ZNF669: variants seen among roughly 807,000 people sequenced by gnomAD.
ZNF669 encodes zinc finger protein 669.
In ZNF669, 7 loss-of-function variants were observed where a neutral mutation model predicts 11.4. The observed-to-expected ratio is 0.62, with a 90% confidence interval of 0.35 to 1.16. The LOEUF is 1.16. Ranked by LOEUF, ZNF669 falls within the 50% of genes most tolerant of loss-of-function variation. The pLI is 0.02. For synonymous variants in ZNF669, 153 were observed against 155.8 expected (o/e 0.98, Z 0.13); for missense variants, 492 against 463.6 (o/e 1.06, Z -0.56).
In ZNF669 at chr1:247,100,571, T is replaced by G. The variant is rs182355410; in HGVS notation, c.940A>C (p.Ser314Arg). The change falls in exon 4 of 4, where the codon AGT becomes CGT. Residue 314 changes from serine to arginine, a missense_variant. Coordinates refer to ENST00000448299, the MANE Select transcript of ZNF669 (RefSeq NM_001142572.2). ...TGGAGGTGAAGGGAACTGAGGCGAC[T>G]GAAGGCTTGATCACATTGTTTACAT... ...YECKQCDQAFSRLSSLHLHER... is the reference protein window; with the variant it reads ...YECKQCDQAFRRLSSLHLHER... The G allele has an allele frequency of 1.2e-6, 2 of 1,614,236 alleles. No individual in the cohort carries two copies. The highest frequency in any genetic ancestry group is 1.7e-6 in the Non-Finnish European group (2 of 1,180,030).
intron 1 of ZNF669, chr1:247,103,808 G>C: frequency 8.0e-7 from 1 of 1,246,980 alleles, no homozygotes; most frequent in South Asian, 1.6e-5. Context: ...CAAAGCCTCG[G>C]CTTAATTTTA....
chr1:247,101,282 CTTCTT>C lies in ZNF669; in HGVS notation c.224_228del (p.Lys75ArgfsTer15), dbSNP rs761695558. 13 of 1,605,196 alleles carry C rather than the reference CTTCTT, an allele frequency of 8.1e-6. No homozygotes were observed. Among genetic ancestry groups the C allele is most frequent in the African/African-American group, 1.3e-5 (1 of 74,686 alleles). ...CTGACAACTTCTCCATACTGACCAT[CTTCTT>C]TACTTTCACACAGTCTCTGTACGAT... On this transcript the variant is annotated frameshift_variant, in exon 4 of 4. Coordinates refer to ENST00000448299, the MANE Select transcript of ZNF669 (RefSeq NM_001142572.2). LOFTEE classifies it low-confidence loss of function (END_TRUNC).
Position 247,100,854 on chromosome 1 carries a change from G to A in ZNF669, c.657C>T (p.Pro219=), listed in dbSNP as rs753220392. 6 of 1,613,974 alleles carry A rather than the reference G, an allele frequency of 3.7e-6. No individual in the cohort carries two copies. The highest frequency in any genetic ancestry group is 2.2e-5 in the South Asian group (2 of 91,082). The change falls in exon 4 of 4, where the codon CCC becomes CCT. Residue 219 remains proline, a synonymous_variant. Coordinates refer to ENST00000448299, the MANE Select transcript of ZNF669 (RefSeq NM_001142572.2). ...IHERTHTGEK[P]YECKECGKTF... is the part of the protein sequence containing the mutation. Reference sequence around the variant, plus strand: ...TTTTCCCACATTCCTTACATTCGTAGGGTTTCTCTCCAGTGTGAGTTCGTT... The same window carrying A: ...TTTTCCCACATTCCTTACATTCGTAAGGTTTCTCTCCAGTGTGAGTTCGTT...
intron 1 of ZNF669, among the ~76,000 whole-genome samples, chr1:247,102,398 G>A (rs953344021): frequency 3.3e-5 from 5 of 152,148 alleles, no homozygotes; most frequent in African/African-American, 4.8e-5. Context: ...ATTTCACTTC[G>A]TACATTTCTA....
Position 247,100,913 on chromosome 1 carries a change from C to T in ZNF669, c.598G>A (p.Ala200Thr). The T allele has an allele frequency of 1.2e-6, 2 of 1,614,074 alleles. No individual in the cohort carries two copies. The highest frequency in any genetic ancestry group is 2.2e-5 in the South Asian group (2 of 91,078). The change falls in exon 4 of 4, where the codon GCA becomes ACA. Residue 200 changes from alanine to threonine, a missense_variant. Physicochemically the swap from Ala to Thr is moderately conservative, Grantham distance 58. Transcript: ENST00000448299. ...KPYKCKQCGK[A>T]FTVSGSCLIH... Reference sequence around the variant, plus strand: ...AGACAAGAACCGGAAACAGTGAATGCTTTACCACATTGTTTACATTTATAG... The same window carrying T: ...AGACAAGAACCGGAAACAGTGAATGTTTTACCACATTGTTTACATTTATAG...
intron 3 of ZNF669, 32 bp downstream of exon 3, chr1:247,101,699 G>A: frequency 6.3e-7 from 1 of 1,580,196 alleles, no homozygotes; most frequent in African/African-American, 1.4e-5. Context: ...TTCCTTCAGA[G>A]GACTTTATTT....
At chr1:247,102,300 G>A (rs965781862) in intron 1 of ZNF669, among the ~76,000 whole-genome samples, 187 bp from the exon 2 acceptor site, 3 of 152,178 alleles carry the variant, frequency 2.0e-5, no homozygotes, top group African/African-American at 4.8e-5. Context: ...TGCTAGAATT[G>A]AACTATTCAA....
At position 247,100,406 on chromosome 1, in the gene ZNF669, T is replaced by G. The variant is rs775043266; in HGVS notation, c.1105A>C (p.Thr369Pro). The change falls in exon 4 of 4, where the codon ACT (threonine) becomes CCT (proline). Residue 369 changes from threonine (T) to proline (P), a missense_variant. Physicochemically the swap from Thr to Pro is conservative, Grantham distance 38. Transcript: ENST00000448299. ...ATCCACACGCCTTGGCCTCCCAAAG[T>G]GCTGGGATTATAGGCTGAGTCACTA... is the stretch of plus-strand genomic sequence containing the variant. ...GCSDSAYNPS[T>P]LGGQGVWIA 1.2e-5 allele frequency: 20 copies of G among 1,611,942 alleles called. No individual in the cohort carries two copies. The highest frequency in any genetic ancestry group is 3.4e-4 in the Middle Eastern group (2 of 5,968).
intron 1 of ZNF669, chr1:247,103,891 A>T: frequency 6.5e-7 from 1 of 1,530,924 alleles, no homozygotes; most frequent in Non-Finnish European, 8.8e-7. Context: ...ACACCGAGAC[A>T]CCGAGTCGGG....
rs756824985 is a variant in ZNF669, at chr1:247,100,661, C to G, written c.850G>C (p.Ala284Pro). 1.2e-6 allele frequency: 2 copies of G among 1,613,964 alleles called. No individual in the cohort carries two copies. The highest frequency in any genetic ancestry group is 1.7e-6 in the Non-Finnish European group (2 of 1,179,936). Residue 284 changes from alanine to proline, a missense_variant, in exon 4 of 4, where the codon GCC (alanine) becomes CCC (proline). Ala to Pro is a conservative substitution (Grantham distance 27, BLOSUM62 -1). Transcript: ENST00000448299. ...CAAAGGGAACTCAAACGACTAAAGG[C>G]TTTGCCACATTGTTTACACTCATAG... is the stretch of plus-strand genomic sequence containing the variant. Reference protein sequence around the residue: ...RPYECKQCGKAFSRLSSLCNH... With the variant: ...RPYECKQCGKPFSRLSSLCNH...
At chr1:247,103,576 A>G (rs1258413891) in intron 1 of ZNF669, among the ~76,000 whole-genome samples, 1 of 141,052 alleles carries the variant, frequency 7.1e-6, no homozygotes, top group African/African-American at 2.6e-5. Context: ...AGAGGTTGCA[A>G]TGAGTGAGAC....
chr1:247,100,595 A>G lies in ZNF669; in HGVS notation c.916T>C (p.Cys306Arg). The change falls in exon 4 of 4, where the codon TGT becomes CGT. Residue 306 changes from cysteine (C) to arginine (R), a missense_variant. By Grantham distance (180) the Cys-to-Arg change is radical. Transcript: ENST00000448299. ...CTGAAGGCTTGATCACATTGTTTAC[A>G]TTCATAGGGTTTCTCTCCGGTATGA... ...STHTGEKPYE[C>R]KQCDQAFSRL... 6.2e-7 allele frequency: 1 copy of G among 1,614,218 alleles called. No individual in the cohort carries two copies. Among genetic ancestry groups the G allele is most frequent in the Non-Finnish European group, 8.5e-7 (1 of 1,180,030 alleles).
At position 247,104,093 on chromosome 1, in the gene ZNF669, G is replaced by A. The variant is rs780790686; in HGVS notation, c.3+104C>T. The stretch of plus-strand genomic sequence containing the variant: ...GCCCCGGCTACGCCACGGCGACTCG[G>A]TCCGCAGGTTCCGGAGCCGATGGCG... On this transcript the variant is annotated intron_variant, in intron 1 of 3. Coordinates refer to ENST00000448299, the MANE Select transcript of ZNF669 (RefSeq NM_001142572.2). 6 of 1,595,166 alleles carry A rather than the reference G, an allele frequency of 3.8e-6. No individual in the cohort carries two copies. In the East Asian group the frequency reaches 1.4e-4, roughly 37 times the overall value.
rs777723942 is a variant in ZNF669 at position 247,100,857 on chromosome 1, T to C, written c.654A>G (p.Lys218=). 2.3e-5 allele frequency: 37 copies of C among 1,614,012 alleles called. No homozygotes were observed. Among genetic ancestry groups the C allele is most frequent in the Non-Finnish European group, 3.1e-5 (36 of 1,180,042 alleles). The change falls in exon 4 of 4, where the codon AAA becomes AAG. Residue 218 remains lysine (K), a synonymous_variant. Transcript: ENST00000448299. ...TCCCACATTCCTTACATTCGTAGGG[T>C]TTCTCTCCAGTGTGAGTTCGTTCAT... ...LIHERTHTGE[K]PYECKECGKT...
chr1:247,100,508 T>TA lies in ZNF669; in HGVS notation c.1002dup (p.Lys335Ter). On this transcript the variant is annotated frameshift_variant, in exon 4 of 4. Transcript: ENST00000448299. LOFTEE classifies it low-confidence loss of function (END_TRUNC). ...CGAGTGTAGGCTTTACCGCATTTCT[T>TA]ACATTCATAGGGTTTTTCTCCAGTA... The TA allele has an allele frequency of 1.2e-6, 2 of 1,614,240 alleles. No homozygotes were observed. The highest frequency in any genetic ancestry group is 1.1e-5 in the South Asian group (1 of 91,092).
intron 1 of ZNF669, among the ~76,000 whole-genome samples, chr1:247,103,708 C>A (rs758293172): frequency 2.4e-4 from 36 of 151,794 alleles, no homozygotes; most frequent in Admixed American, 1.6e-3. Flanking sequence ...CTCATTTACG[C>A]CCCTTCTGTG....
At chr1:247,103,087 C>A (rs1337763512) in intron 1 of ZNF669, among the ~76,000 whole-genome samples, 2 of 152,090 alleles carry the variant, frequency 1.3e-5, no homozygotes, top group African/African-American at 4.8e-5. Context: ...AGAGTTATGT[C>A]TTGCCTAACA....
chr1:247,104,054 C>T, intron 1 of ZNF669, 143 bp downstream of exon 1: 3 of 1,580,588 alleles, frequency 1.9e-6, no homozygotes, highest in Non-Finnish European at 2.6e-6. Context: ...CGGCCCTGAA[C>T]AGAAGAGGAC....
At chr1:247,101,487 AC>A (rs548613695) in intron 3 of ZNF669, among the ~76,000 whole-genome samples, 168 bp from the exon 4 acceptor site, 42 of 152,314 alleles carry the variant, frequency 2.8e-4, no homozygotes, top group African/African-American at 9.1e-4. Flanking sequence ...AAACACAGCT[AC>A]CACCTGCATG....
Sources: allele counts gnomAD v4.1 joint callset (sites outside exome capture counted in the v4.1 genomes callset), GRCh38; gene constraint gnomAD v4.1.1; transcripts MANE v1.5; gene names NCBI Gene and HGNC (gene_info 2026-07-23, HGNC 2026-07-21).